Variants in STK39 observed in about 807,000 individuals in gnomAD.
STK39 encodes the protein serine/threonine kinase 39.
Under a neutral mutation model 77.8 loss-of-function variants are expected in STK39, and 20 were observed. The ratio of observed to expected loss-of-function variants is 0.26; its 90% confidence interval spans 0.18 to 0.37. STK39 has a LOEUF of 0.37. Among genes scored for constraint, STK39 ranks in the 10% least tolerant of loss-of-function variants. The probability of loss-of-function intolerance (pLI) is 1.00; values close to 1 mark genes in which losing one functional copy is unlikely to be tolerated. For missense variants in STK39, 479 were observed against 656.5 expected (o/e 0.73, Z 2.95); for synonymous variants, 246 against 234.1 (o/e 1.05, Z -0.47).
At chr2:168,139,646 C>T (rs1194908825) in intron 7 of STK39, among the ~76,000 whole-genome samples, 1 of 152,092 alleles carries the variant, frequency 6.6e-6, no homozygotes. Flanking sequence ...ATAGACCATA[C>T]TCTATGTAAA....
chr2:168,092,659 C>G (rs1686554566), intron 10 of STK39, among the ~76,000 whole-genome samples: 1 of 152,140 alleles, frequency 6.6e-6, no homozygotes, highest in Non-Finnish European at 1.5e-5. Context: ...CACAAGTAAC[C>G]CAGGTCACAC....
At chr2:168,003,479 T>A (rs931168704) in intron 16 of STK39, among the ~76,000 whole-genome samples, 1 of 152,106 alleles carries the variant, frequency 6.6e-6, no homozygotes, top group African/African-American at 2.4e-5. Flanking sequence ...CAGTAAAGAT[T>A]TTTTTTAAAG....
chr2:167,958,230 T>A (rs1411338663), intron 17 of STK39, among the ~76,000 whole-genome samples: 4 of 152,216 alleles, frequency 2.6e-5, no homozygotes, highest in Non-Finnish European at 5.9e-5. Context: ...AGACTGACTG[T>A]CTTAGAAATT....
chr2:168,233,447 C>T (rs1014765235), intron 1 of STK39, among the ~76,000 whole-genome samples: 7 of 152,138 alleles, frequency 4.6e-5, no homozygotes, highest in African/African-American at 1.7e-4. Context: ...ATTTTTTTCC[C>T]ACCCCTCAGT....
At chr2:168,077,047 T>C (rs144076619) in intron 10 of STK39, among the ~76,000 whole-genome samples, 170 of 152,302 alleles carry the variant, frequency 1.1e-3, no homozygotes, top group African/African-American at 3.9e-3. Flanking sequence ...GAGAAACATA[T>C]GTTAATGACT....
chr2:168,107,139 T>C (rs570727338), intron 10 of STK39, among the ~76,000 whole-genome samples: 13 of 152,210 alleles, frequency 8.5e-5, no homozygotes, highest in Non-Finnish European at 1.5e-4. Flanking sequence ...AAAGTAATCA[T>C]TGGTTAACTT....
At chr2:168,069,070 C>G (rs1685872166) in intron 12 of STK39, among the ~76,000 whole-genome samples, 1 of 152,128 alleles carries the variant, frequency 6.6e-6, no homozygotes. Context: ...ATGCACACCA[C>G]CATGCTCGGC....
intron 12 of STK39, among the ~76,000 whole-genome samples, chr2:168,067,534 C>T (rs1028959779): frequency 2.6e-5 from 4 of 152,154 alleles, no homozygotes; most frequent in Non-Finnish European, 4.4e-5. Flanking sequence ...CCTGCAGAAC[C>T]GTGAGTCAAT....
chr2:167,972,945 C>T (rs1692390511), intron 16 of STK39, among the ~76,000 whole-genome samples: 1 of 152,100 alleles, frequency 6.6e-6, no homozygotes, highest in Admixed American at 6.6e-5. Context: ...TCCAGCTGTG[C>T]CTGCTTATTA....
intron 1 of STK39, among the ~76,000 whole-genome samples, chr2:168,203,197 A>C (rs1325449389): frequency 1.3e-5 from 2 of 151,938 alleles, no homozygotes; most frequent in Non-Finnish European, 2.9e-5. Flanking sequence ...AGAGGAAAAA[A>C]TCTCCCTCAG....
At chr2:168,235,443 AT>A (rs35628764) in intron 1 of STK39, among the ~76,000 whole-genome samples, 39,203 of 147,442 alleles carry the variant, frequency 0.27, 6,808 homozygotes, top group African/African-American at 0.5. Context: ...CGAGCCTGGG[AT>A]TTTTTTTTTT....
Position 168,246,118 on chromosome 2 carries a change from T to C in STK39, c.208+1110A>G, listed in dbSNP as rs527834318. Among the ~76,000 whole-genome samples, 11 of 152,256 alleles carry C rather than the reference T, an allele frequency of 7.2e-5. 2 individuals carry two copies. Among genetic ancestry groups the C allele is most frequent in the African/African-American group, 2.6e-4 (11 of 41,540 alleles). On this transcript the variant is annotated intron_variant, in intron 1 of 17. Transcript: ENST00000355999. ...TGAAAGTTAGAAAAAATACTTAAGA[T>C]AAATATTCTGAACTCCTTTTTCATC...
At chr2:168,102,552 C>T (rs1237698232) in intron 10 of STK39, among the ~76,000 whole-genome samples, 1 of 152,202 alleles carries the variant, frequency 6.6e-6, no homozygotes, top group African/African-American at 2.4e-5. Context: ...CAAGGTCTCA[C>T]AAATTCTGAG....
At chr2:167,986,992 A>G (rs916648675) in intron 16 of STK39, among the ~76,000 whole-genome samples, 19 of 152,336 alleles carry the variant, frequency 1.2e-4, no homozygotes, top group African/African-American at 4.6e-4. Flanking sequence ...AGGGCCAACA[A>G]GACTGTGGGC....
chr2:168,242,173 T>G (rs991326885), intron 1 of STK39, among the ~76,000 whole-genome samples: 1 of 152,118 alleles, frequency 6.6e-6, no homozygotes, highest in Non-Finnish European at 1.5e-5. Context: ...AAAAGAGTAT[T>G]TATCTTGTAA....
At chr2:168,225,506 G>GC (rs1164114454) in intron 1 of STK39, among the ~76,000 whole-genome samples, 1 of 151,870 alleles carries the variant, frequency 6.6e-6, no homozygotes, top group African/African-American at 2.4e-5. Flanking sequence ...GGCAAGACCA[G>GC]ACCATATCTC....
intron 16 of STK39, among the ~76,000 whole-genome samples, chr2:167,970,649 C>T (rs905061147): frequency 6.6e-5 from 10 of 152,122 alleles, no homozygotes; most frequent in South Asian, 2.1e-4. Context: ...AGAAAGACTC[C>T]GTACTTCTAT....
At chr2:168,083,350 T>A (rs893105588) in intron 10 of STK39, among the ~76,000 whole-genome samples, 2 of 152,126 alleles carry the variant, frequency 1.3e-5, no homozygotes, top group African/African-American at 4.8e-5. Flanking sequence ...GTATACTCCT[T>A]CAGGGCAGAG....
At chr2:168,007,523 A>T (rs1684161298) in intron 16 of STK39, among the ~76,000 whole-genome samples, 1 of 152,218 alleles carries the variant, frequency 6.6e-6, no homozygotes, top group Admixed American at 6.5e-5. Context: ...AAAATAAATA[A>T]ATGAAACATA....
Sources: allele counts gnomAD v4.1 joint callset (sites outside exome capture counted in the v4.1 genomes callset), GRCh38; gene constraint gnomAD v4.1.1; transcripts MANE v1.5; gene names NCBI Gene and HGNC (gene_info 2026-07-23, HGNC 2026-07-21).